TRMT5: variants seen among roughly 807,000 people sequenced by gnomAD.
TRMT5 encodes the protein tRNA methyltransferase 5.
In TRMT5, 31 loss-of-function variants were observed where a neutral mutation model predicts 42.2. The observed-to-expected ratio is 0.73, with a 90% CI of 0.55 to 0.99. TRMT5 has a LOEUF of 0.99. TRMT5 is among the 50% of genes least tolerant of loss of function. The probability of loss-of-function intolerance (pLI) is 0.00; values close to 1 mark genes in which losing one functional copy is unlikely to be tolerated. For synonymous variants in TRMT5, 198 were observed against 209.6 expected, an observed-to-expected ratio of 0.94 and a Z score of 0.48; for missense variants, 568 against 595.0, an observed-to-expected ratio of 0.95 and a Z score of 0.47.
intron 2 of TRMT5, among the ~76,000 whole-genome samples, chr14:60,978,339 C>T (rs2036874207): frequency 6.6e-6 from 1 of 152,150 alleles, no homozygotes; most frequent in African/African-American, 2.4e-5. Flanking sequence ...CCCAATTATA[C>T]AATATCCTGA....
chr14:60,977,454 T>A lies in TRMT5; in HGVS notation c.792+60A>T, dbSNP rs2036862278. ...TTACAAGTATTTTAAATCTTTGTCA[T>A]CTATTCTGACTCTAAACATAATATT... On this transcript the variant is annotated intron_variant, in intron 3 of 4. Coordinates refer to ENST00000261249, the MANE Select transcript of TRMT5 (RefSeq NM_020810.3). 1.0e-5 allele frequency: 15 copies of A among 1,499,674 alleles called. 1 individual carries two copies. The South Asian group carries it at 2.0e-4, about 20-fold the overall frequency. 92.9% of individuals were successfully genotyped at this position (1,499,674 alleles called of 1,614,324 possible). A position where few individuals can be genotyped will look rare whatever the true frequency, so the allele number is the denominator to read the frequency against.
chr14:60,971,927 A>G lies in TRMT5; in HGVS notation c.*3182T>C, dbSNP rs2036779658. ...AAGGGAAAAGAAGACATAAAAACGAATTTGTTTTTCCATACCACAAGGCTT... is the reference window on the plus strand; with the variant it reads ...AAGGGAAAAGAAGACATAAAAACGAGTTTGTTTTTCCATACCACAAGGCTT... On this transcript the variant is annotated 3_prime_UTR_variant, in exon 5 of 5. Transcript: ENST00000261249. 1 of 229,576 alleles carries G rather than the reference A, an allele frequency of 4.4e-6. No homozygotes were observed. Among genetic ancestry groups the G allele is most frequent in the Non-Finnish European group, 8.5e-6 (1 of 117,018 alleles). 14.2% of individuals were successfully genotyped at this position (229,576 alleles called of 1,614,324 possible).
Position 60,974,594 on chromosome 14 carries a change from A to T in TRMT5, c.*515T>A, listed in dbSNP as rs2036819134. ...TTTCACGTCACAAAATGTTCTTTTG[A>T]TTATTTTTCAACCAATGGAAAACGT... On this transcript the variant is annotated 3_prime_UTR_variant, in exon 5 of 5. Coordinates refer to ENST00000261249, the MANE Select transcript of TRMT5 (RefSeq NM_020810.3). 1 of 152,188 alleles carries T rather than the reference A, an allele frequency of 6.6e-6. No homozygotes were observed. The highest frequency in any genetic ancestry group is 1.5e-5 in the Non-Finnish European group (1 of 68,024). 9.4% of individuals were successfully genotyped at this position (152,188 alleles called of 1,614,324 possible). A position where few individuals can be genotyped will look rare whatever the true frequency, so the allele number is the denominator to read the frequency against.
At position 60,975,708 on chromosome 14, in the gene TRMT5, T is replaced by A; in HGVS notation, c.1211A>T (p.Asp404Val). 1 of 1,614,194 alleles carries A rather than the reference T, an allele frequency of 6.2e-7. No individual in the cohort carries two copies. Among genetic ancestry groups the A allele is most frequent in the African/African-American group, 1.3e-5 (1 of 75,026 alleles). The change falls in exon 4 of 5, where the codon GAT becomes GTT. Residue 404 changes from aspartate (D) to valine (V), a missense_variant. Asp to Val is a radical substitution (Grantham distance 152). Transcript: ENST00000261249. Reference protein sequence around the residue: ...EFLSAFKWLLDGQPCSSEFLP... With the variant: ...EFLSAFKWLLVGQPCSSEFLP... ...GAACTCACTGCTGCATGGCTGCCCA[T>A]CTAAAAGCCACTTGAAAGCACTAAG...
chr14:60,973,780 G>GT lies in TRMT5; in HGVS notation c.*1328dup, dbSNP rs2036809727. The GT allele has an allele frequency of 6.6e-6, 1 of 152,092 alleles. No homozygotes were observed. The highest frequency in any genetic ancestry group is 1.5e-5 in the Non-Finnish European group (1 of 68,030). The allele number at this position is 152,092 out of a possible 1,614,324, so 9.4% of individuals were successfully genotyped here. A position where few individuals can be genotyped will look rare whatever the true frequency, so the allele number is the denominator to read the frequency against. On this transcript the variant is annotated 3_prime_UTR_variant, in exon 5 of 5. Transcript: ENST00000261249. ...TCTTGCCAAAGGCCAGTAATCTTAAGTTTATTTTCTCTGGATATATTCAGC... is the reference window on the plus strand; with the variant it reads ...TCTTGCCAAAGGCCAGTAATCTTAAGTTTTATTTTCTCTGGATATATTCAGC...
chr14:60,976,900 C>T (rs2036855397), intron 3 of TRMT5, among the ~76,000 whole-genome samples: 1 of 152,152 alleles, frequency 6.6e-6, no homozygotes, highest in Non-Finnish European at 1.5e-5. Flanking sequence ...AGTATGACCT[C>T]AGCCATCATC....
At position 60,972,205 on chromosome 14, in the gene TRMT5, T is replaced by C. The variant is rs2036785022; in HGVS notation, c.*2904A>G. 1.6e-5 allele frequency: 8 copies of C among 499,536 alleles called. No individual in the cohort carries two copies. Among genetic ancestry groups the C allele is most frequent in the South Asian group, 1.0e-4 (7 of 67,884 alleles). 30.9% of individuals were successfully genotyped at this position (499,536 alleles called of 1,614,324 possible). A position where few individuals can be genotyped will look rare whatever the true frequency, so the allele number is the denominator to read the frequency against. ...ACTTGATAAAGAATATTTCAAACTG[T>C]ACAGTCACCAGAAGTACAGTTATAA... On this transcript the variant is annotated 3_prime_UTR_variant, in exon 5 of 5. Coordinates refer to ENST00000261249, the MANE Select transcript of TRMT5 (RefSeq NM_020810.3).
chr14:60,979,946 C>T (rs2036920562), intron 1 of TRMT5, 60 bp from the exon 2 acceptor site: 2 of 1,479,498 alleles, frequency 1.4e-6, no homozygotes, highest in Non-Finnish European at 1.8e-6. Flanking sequence ...AATCTAAATT[C>T]TACTATCTCA....
intron 3 of TRMT5, 121 bp downstream of exon 3, chr14:60,977,393 G>A (rs2139642649): frequency 2.1e-6 from 2 of 964,618 alleles, no homozygotes; most frequent in East Asian, 5.3e-5. Context: ...GCATACATAA[G>A]TGATCACATT....
chr14:60,975,826 T>C lies in TRMT5; in HGVS notation c.1093A>G (p.Lys365Glu). 6.2e-7 allele frequency: 1 copy of C among 1,614,224 alleles called. No homozygotes were observed. The highest frequency in any genetic ancestry group is 8.5e-7 in the Non-Finnish European group (1 of 1,180,024). Residue 365 changes from lysine (K) to glutamate (E), a missense_variant, in exon 4 of 5, where the codon AAA becomes GAA. Physicochemically the swap from Lys to Glu is moderately conservative, Grantham distance 56 (BLOSUM62 1). Transcript: ENST00000261249. ...CCCAGCAGCTGCATTAACTCTTCTT[T>C]GACTGGTCCTTGGAGGAAGTCTTTC... ...DGKDFLQGPV[K>E]EELMQLLGLS...
Position 60,973,536 on chromosome 14 carries a change from C to G in TRMT5, c.*1573G>C, listed in dbSNP as rs2036806567. 6.6e-6 allele frequency: 1 copy of G among 152,248 alleles called. No homozygotes were observed. Among genetic ancestry groups the G allele is most frequent in the Non-Finnish European group, 1.5e-5 (1 of 68,062 alleles). 9.4% of individuals were successfully genotyped at this position (152,248 alleles called of 1,614,324 possible). On this transcript the variant is annotated 3_prime_UTR_variant, in exon 5 of 5. Transcript: ENST00000261249. ...ACATATAAGGGCTCACACCTGTAAC[C>G]TTCACACATTGGGAAGCCGAGATGG...
rs2036839385 is a variant in TRMT5, at chr14:60,975,839, G to A, written c.1080C>T (p.Leu360=). The A allele has an allele frequency of 1.2e-6, 2 of 1,614,174 alleles. No individual in the cohort carries two copies. The highest frequency in any genetic ancestry group is 4.5e-5 in the East Asian group (2 of 44,894). The change falls in exon 4 of 5, where the codon CTC becomes CTT. Residue 360 remains leucine, a synonymous_variant. Transcript: ENST00000261249. The part of the protein sequence containing the change: ...KVFNLDGKDF[L]QGPVKEELMQ... The stretch of plus-strand genomic sequence containing the variant: ...TTAACTCTTCTTTGACTGGTCCTTG[G>A]AGGAAGTCTTTCCCATCCAAGTTGA...
chr14:60,974,887 TA>T lies in TRMT5; in HGVS notation c.*221del. The T allele has an allele frequency of 3.6e-6, 1 of 275,392 alleles. No homozygotes were observed. The highest frequency in any genetic ancestry group is 6.8e-6 in the Non-Finnish European group (1 of 146,688). 17.1% of individuals were successfully genotyped at this position (275,392 alleles called of 1,614,324 possible). A position where few individuals can be genotyped will look rare whatever the true frequency, so the allele number is the denominator to read the frequency against. On this transcript the variant is annotated 3_prime_UTR_variant, in exon 5 of 5. Coordinates refer to ENST00000261249, the MANE Select transcript of TRMT5 (RefSeq NM_020810.3). ...TCATATTTATCCAATAAAAATTAGA[TA>T]TATTTTGTTATAAAATAATTGTATG...
chr14:60,975,294 AAACATGAAAT>A, intron 4 of TRMT5, 100 bp from the exon 5 acceptor site: 1 of 1,320,362 alleles, frequency 7.6e-7, no homozygotes, highest in Non-Finnish European at 1.0e-6. Flanking sequence ...TAGTCAACTT[AAACATGAAAT>A]AACATTCTTG....
chr14:60,981,329 G>C, upstream of TRMT5: 8 of 1,610,992 alleles, frequency 5.0e-6, no homozygotes, highest in Non-Finnish European at 6.8e-6. Flanking sequence ...GTATGTCTCT[G>C]TCCAGCAGCC....
intron 2 of TRMT5, 30 bp from the exon 3 acceptor site, chr14:60,977,668 T>A (rs1317033044): frequency 6.4e-7 from 1 of 1,550,654 alleles, no homozygotes; most frequent in Non-Finnish European, 8.7e-7. Flanking sequence ...TCCATAATAC[T>A]GCCTATTGGT....
At position 60,981,011 on chromosome 14, in the gene TRMT5, G is replaced by A. The variant is rs1276915583; in HGVS notation, c.-38C>T. 1.2e-6 allele frequency: 2 copies of A among 1,611,364 alleles called. No homozygotes were observed. The highest frequency in any genetic ancestry group is 4.5e-5 in the East Asian group (2 of 44,870). On this transcript the variant is annotated 5_prime_UTR_variant, in exon 1 of 5. Transcript: ENST00000261249. ...CGTCGCTCTGCAGCTGGATCCGCGA[G>A]CCGACCCCTCACCTCCCGCTCCGGT...
rs1594931051 is a variant in TRMT5 at position 60,980,806 on chromosome 14, T to G, written c.11+157A>C. ...AATGTGGCGAAAGGCTTTTGAAACA[T>G]TCCTTACTATCCAGAACCTCGAAAC... On this transcript the variant is annotated intron_variant, in intron 1 of 4. Coordinates refer to ENST00000261249, the MANE Select transcript of TRMT5 (RefSeq NM_020810.3). 2.8e-6 allele frequency: 3 copies of G among 1,087,636 alleles called. No homozygotes were observed. The East Asian group carries it at 7.7e-5, about 28-fold the overall frequency. The allele number at this position is 1,087,636 out of a possible 1,614,324, so 67.4% of individuals were successfully genotyped here.
chr14:60,977,756 C>T (rs2036865850), intron 2 of TRMT5, 118 bp from the exon 3 acceptor site: 6 of 997,466 alleles, frequency 6.0e-6, no homozygotes, highest in Non-Finnish European at 8.4e-6. Flanking sequence ...ACTGCACCTA[C>T]TGTGTGTAAT....
Sources: allele counts gnomAD v4.1 joint callset (sites outside exome capture counted in the v4.1 genomes callset), GRCh38; gene constraint gnomAD v4.1.1; transcripts MANE v1.5; gene names NCBI Gene and HGNC (gene_info 2026-07-23, HGNC 2026-07-21).